Variants in HFM1 observed in about 807,000 individuals in gnomAD.
HFM1 encodes the protein helicase for meiosis 1.
Under a neutral mutation model 192.1 loss-of-function variants are expected in HFM1, and 169 were observed. The observed-to-expected ratio is 0.88, with a 90% confidence interval of 0.78 to 1.00. The LOEUF (loss-of-function observed/expected upper bound fraction) is 1.00. Ranked by LOEUF, HFM1 falls within the 50% of genes least tolerant of loss-of-function variation. The pLI is 0.00. For missense variants in HFM1, 1,661 were observed against 1,668.0 expected (o/e 1.00, Z 0.07); for synonymous variants, 525 against 537.8 (o/e 0.98, Z 0.33).
chr1:91,396,820 C>T (rs1170853001), intron 2 of HFM1, among the ~76,000 whole-genome samples: 2 of 152,296 alleles, frequency 1.3e-5, no homozygotes, highest in Admixed American at 6.5e-5. Context: ...ACTGGTATTC[C>T]AGAGCTGGGA....
intron 30 of HFM1, among the ~76,000 whole-genome samples, chr1:91,299,775 A>G (rs1441480361): frequency 6.6e-6 from 1 of 152,200 alleles, no homozygotes; most frequent in Non-Finnish European, 1.5e-5. Flanking sequence ...TCTGGGACAC[A>G]TTCAAAGCAG....
In HFM1 at chr1:91,319,254, T is replaced by C. The variant is rs1453746034; in HGVS notation, c.2680+39A>G. On this transcript the variant is annotated intron_variant, in intron 24 of 38. Transcript: ENST00000370425. ...TATTAAATCTAATATACCAGTTTAT[T>C]GGAAAAAATATTTAAAATCCACTAA... The C allele has an allele frequency of 3.7e-6, 6 of 1,604,818 alleles. No homozygotes were observed. The African/African-American group carries it at 6.7e-5, about 18-fold the overall frequency.
At chr1:91,278,674 C>T (rs1667179148) in intron 30 of HFM1, among the ~76,000 whole-genome samples, 1 of 152,074 alleles carries the variant, frequency 6.6e-6, no homozygotes, top group Non-Finnish European at 1.5e-5. Flanking sequence ...ATATTGCAGC[C>T]TAGGGTAAAT....
At chr1:91,349,114 G>A (rs1035779574) in intron 18 of HFM1, among the ~76,000 whole-genome samples, 7 of 151,854 alleles carry the variant, frequency 4.6e-5, no homozygotes, top group Non-Finnish European at 1.0e-4. Context: ...ATGGTGAAGC[G>A]CCGTCTCTGC....
intron 1 of HFM1, among the ~76,000 whole-genome samples, chr1:91,402,231 A>G (rs1039357467): frequency 3.9e-5 from 6 of 152,176 alleles, no homozygotes; most frequent in Non-Finnish European, 7.4e-5. Flanking sequence ...TGGGGATGAG[A>G]TACAAGTGGG....
chr1:91,397,394 T>C (rs749409092), intron 2 of HFM1, among the ~76,000 whole-genome samples: 3 of 152,172 alleles, frequency 2.0e-5, no homozygotes, highest in Admixed American at 6.5e-5. Flanking sequence ...TTGTTCTTCA[T>C]TAGGACAAAA....
At chr1:91,270,191 G>C (rs192442911) in intron 34 of HFM1, among the ~76,000 whole-genome samples, 1 of 152,254 alleles carries the variant, frequency 6.6e-6, no homozygotes, top group Non-Finnish European at 1.5e-5. Flanking sequence ...AGTATCAGCA[G>C]AAAGGATAGA....
intron 20 of HFM1, among the ~76,000 whole-genome samples, chr1:91,333,448 G>A (rs1311631236): frequency 6.6e-6 from 1 of 152,040 alleles, no homozygotes; most frequent in Non-Finnish European, 1.5e-5. Context: ...GGTTACCAGA[G>A]GCTGGGAAGG....
At chr1:91,291,679 GGAAT>G (rs1668776135) in intron 30 of HFM1, among the ~76,000 whole-genome samples, 1 of 151,956 alleles carries the variant, frequency 6.6e-6, no homozygotes, top group African/African-American at 2.4e-5. Context: ...AGAAAAAGAG[GGAAT>G]CCTCCCTAAC....
At chr1:91,265,191 T>C (rs1185458002) in intron 36 of HFM1, among the ~76,000 whole-genome samples, 2 of 152,156 alleles carry the variant, frequency 1.3e-5, no homozygotes, top group South Asian at 2.1e-4. Flanking sequence ...TTTTGGATGG[T>C]TTCTCACTGC....
At chr1:91,306,463 T>G (rs1386840837) in intron 30 of HFM1, among the ~76,000 whole-genome samples, 1 of 152,214 alleles carries the variant, frequency 6.6e-6, no homozygotes, top group East Asian at 1.9e-4. Flanking sequence ...TCAAATCATT[T>G]TCTCCTTTTT....
chr1:91,373,300 C>A (rs1339018668), intron 13 of HFM1, among the ~76,000 whole-genome samples: 1 of 152,018 alleles, frequency 6.6e-6, no homozygotes, highest in Non-Finnish European at 1.5e-5. Flanking sequence ...TATATTCCCC[C>A]ACCATACAAA....
intron 36 of HFM1, 127 bp downstream of exon 36, chr1:91,265,890 T>A: frequency 7.9e-7 from 1 of 1,273,506 alleles, no homozygotes; most frequent in Non-Finnish European, 1.1e-6. Flanking sequence ...CCTCTAAGAT[T>A]AAGAGGGTTT....
chr1:91,406,951 CA>C (rs1357890911), upstream of HFM1, among the ~76,000 whole-genome samples: 4 of 152,224 alleles, frequency 2.6e-5, no homozygotes, highest in Non-Finnish European at 5.9e-5. Context: ...CCATTCTAGA[CA>C]GCTGCAGCCA....
intron 30 of HFM1, among the ~76,000 whole-genome samples, chr1:91,297,238 CG>C (rs1466667233): frequency 6.6e-6 from 1 of 152,002 alleles, no homozygotes; most frequent in Non-Finnish European, 1.5e-5. Context: ...GCAGCGAGTC[CG>C]GGGGAGGGGC....
chr1:91,281,803 C>A (rs79628326), intron 30 of HFM1, among the ~76,000 whole-genome samples: 1 of 152,098 alleles, frequency 6.6e-6, no homozygotes, highest in East Asian at 1.9e-4. Context: ...CACAGCTCAC[C>A]GCAGCCTCGA....
At position 91,316,561 on chromosome 1, in the gene HFM1, A is replaced by G. The variant is rs1191322407; in HGVS notation, c.2813-85T>C. 1.1e-5 allele frequency: 3 copies of G among 261,934 alleles called. No individual in the cohort carries two copies. In the South Asian group the frequency reaches 3.6e-4, roughly 31 times the overall value. 16.2% of individuals were successfully genotyped at this position (261,934 alleles called of 1,614,324 possible). A position where few individuals can be genotyped will look rare whatever the true frequency, so the allele number is the denominator to read the frequency against. ...TTAAATATTTAACAACTAAATTAGT[A>G]AAAAAAAAAAATTTTAAGATCCAGT... On this transcript the variant is annotated intron_variant, in intron 25 of 38. Coordinates refer to ENST00000370425, the MANE Select transcript of HFM1 (RefSeq NM_001017975.6).
chr1:91,313,343 A>T lies in HFM1; in HGVS notation c.3391+6T>A. ...ATATAAAATAGGAATTAATACAGCT[A>T]TTTACCTTTATTAGGTCCTGCTATT... On this transcript the variant is annotated splice_donor_region_variant and intron_variant, in intron 30 of 38. Coordinates refer to ENST00000370425, the MANE Select transcript of HFM1 (RefSeq NM_001017975.6). 2 of 1,530,464 alleles carry T rather than the reference A, an allele frequency of 1.3e-6. No individual in the cohort carries two copies. Among genetic ancestry groups the T allele is most frequent in the East Asian group, 4.6e-5 (2 of 43,862 alleles). 94.8% of individuals were successfully genotyped at this position (1,530,464 alleles called of 1,614,324 possible).
At chr1:91,387,108 A>G (rs1662298026) in intron 4 of HFM1, among the ~76,000 whole-genome samples, 2 of 152,220 alleles carry the variant, frequency 1.3e-5, no homozygotes, top group East Asian at 3.9e-4. Flanking sequence ...GTTCCTAATA[A>G]AACATTCACA....
Sources: allele counts gnomAD v4.1 joint callset (sites outside exome capture counted in the v4.1 genomes callset), GRCh38; gene constraint gnomAD v4.1.1; transcripts MANE v1.5; gene names NCBI Gene and HGNC (gene_info 2026-07-23, HGNC 2026-07-21).